CTNNA2: variants seen among roughly 807,000 people sequenced by gnomAD.
The protein encoded by CTNNA2 is catenin alpha-2.
CTNNA2 carries 42 observed loss-of-function variants against 101.0 expected under a neutral mutation model. The observed-to-expected ratio is 0.42, with a 90% confidence interval of 0.32 to 0.54. The LOEUF (loss-of-function observed/expected upper bound fraction) is 0.54, where lower values mean the gene tolerates loss of function less well. CTNNA2 is among the 20% of genes least tolerant of loss of function. CTNNA2 has a pLI of 0.14. For missense variants in CTNNA2, 871 were observed against 1,223.1 expected (o/e 0.71, Z 4.29); for synonymous variants, 450 against 456.4 (o/e 0.99, Z 0.18).
intron 7 of CTNNA2, among the ~76,000 whole-genome samples, chr2:80,239,416 T>G (rs193254482): frequency 1.3e-5 from 2 of 152,158 alleles, no homozygotes; most frequent in African/African-American, 4.8e-5. Flanking sequence ...TGTGGGCATA[T>G]GTATAAATAT....
chr2:80,548,655 C>T (rs982124110), intron 11 of CTNNA2, among the ~76,000 whole-genome samples: 5 of 152,184 alleles, frequency 3.3e-5, no homozygotes, highest in African/African-American at 1.2e-4. Flanking sequence ...GCCAGCTTGG[C>T]AGGGCCTGCT....
rs1388309766 is a variant in CTNNA2 at position 80,253,057 on chromosome 2, A to C, written c.1057-140154A>C. Reference sequence around the variant, plus strand: ...ACTCCAGTCCTTCCTGCATTTAGCAAACTTCACTCCTCAAACTATACTTTC... The same window carrying C: ...ACTCCAGTCCTTCCTGCATTTAGCACACTTCACTCCTCAAACTATACTTTC... On this transcript the variant is annotated intron_variant, in intron 7 of 18. Transcript: ENST00000402739. Among the ~76,000 whole-genome samples, 4 of 152,040 alleles carry C rather than the reference A, an allele frequency of 2.6e-5. No individual in the cohort carries two copies. In the East Asian group the frequency reaches 7.7e-4, roughly 29 times the overall value.
intron 7 of CTNNA2, among the ~76,000 whole-genome samples, chr2:80,202,730 TAAAAAAAAAA>T (rs78658764): frequency 1.4e-5 from 2 of 144,730 alleles, no homozygotes; most frequent in Non-Finnish European, 3.0e-5. Flanking sequence ...CCAAGAGATT[TAAAAAAAAAA>T]AAGAAAAAGA....
At chr2:79,406,676 C>T (rs991802676) in intron 4 of CTNNA2, among the ~76,000 whole-genome samples, 1 of 151,976 alleles carries the variant, frequency 6.6e-6, no homozygotes, top group Non-Finnish European at 1.5e-5. Context: ...GTTAGGGTCT[C>T]ATTTATTTTA....
At chr2:80,140,782 T>C (rs972059817) in intron 7 of CTNNA2, among the ~76,000 whole-genome samples, 12 of 152,148 alleles carry the variant, frequency 7.9e-5, no homozygotes, top group African/African-American at 2.9e-4. Flanking sequence ...AAATTGCATG[T>C]TTTATTTCTC....
chr2:79,967,587 C>T (rs1047785507), intron 7 of CTNNA2, among the ~76,000 whole-genome samples: 4 of 152,132 alleles, frequency 2.6e-5, no homozygotes, highest in African/African-American at 9.7e-5. Flanking sequence ...AATCCTAATG[C>T]CTTACCCTGA....
intron 9 of CTNNA2, among the ~76,000 whole-genome samples, chr2:80,527,644 T>C (rs1573142835): frequency 2.0e-5 from 3 of 152,302 alleles, no homozygotes; most frequent in African/African-American, 4.8e-5. Context: ...GTGATTCTTA[T>C]GATGGGGCAA....
At chr2:80,281,882 A>C (rs900816644) in intron 7 of CTNNA2, among the ~76,000 whole-genome samples, 2 of 152,098 alleles carry the variant, frequency 1.3e-5, no homozygotes, top group Non-Finnish European at 2.9e-5. Context: ...TTATCTTTTC[A>C]ACATTTGAAT....
At chr2:79,267,506 C>T (rs1007031247) in intron 2 of CTNNA2, among the ~76,000 whole-genome samples, 5 of 152,118 alleles carry the variant, frequency 3.3e-5, no homozygotes, top group Non-Finnish European at 7.4e-5. Context: ...CTCCCAATAC[C>T]ATCAGGTTAG....
intron 2 of CTNNA2, among the ~76,000 whole-genome samples, chr2:79,244,466 C>T (rs1027762086): frequency 3.3e-5 from 5 of 152,014 alleles, no homozygotes; most frequent in East Asian, 1.9e-4. Flanking sequence ...TTTTGTTTGG[C>T]GAGTTTTGTT....
chr2:80,414,135 A>C (rs1174006754), intron 8 of CTNNA2, among the ~76,000 whole-genome samples: 2 of 152,234 alleles, frequency 1.3e-5, no homozygotes, highest in Admixed American at 6.5e-5. Flanking sequence ...TAGCAAAGAA[A>C]GAAAGCTTTC....
chr2:80,497,876 A>G (rs1687589489), intron 9 of CTNNA2, among the ~76,000 whole-genome samples: 1 of 152,136 alleles, frequency 6.6e-6, no homozygotes, highest in Non-Finnish European at 1.5e-5. Context: ...GCCAACAACC[A>G]GTGAGCTTGG....
At chr2:80,084,891 A>G (rs1222852269) in intron 7 of CTNNA2, among the ~76,000 whole-genome samples, 10 of 152,126 alleles carry the variant, frequency 6.6e-5, no homozygotes, top group Admixed American at 6.6e-4. Context: ...CTCCCAAGAC[A>G]TAGCACTGAA....
At chr2:79,202,706 G>A (rs1470793473) in intron 2 of CTNNA2, among the ~76,000 whole-genome samples, 1 of 151,410 alleles carries the variant, frequency 6.6e-6, no homozygotes, top group East Asian at 2.0e-4. Context: ...CATTTTGGGG[G>A]TGGAAGGGCT....
rs1449530218 is a variant in CTNNA2, at chr2:79,860,223, C to A, written c.465+2044C>A. On this transcript the variant is annotated intron_variant, in intron 4 of 18. Coordinates refer to ENST00000402739, the MANE Select transcript of CTNNA2 (RefSeq NM_001282597.3). ...CACAGAAGGACAATCTTCCTTTACC[C>A]CAGCAAGGAAATAATACGACTGAAC... 2.0e-5 allele frequency among the ~76,000 whole-genome samples: 3 copies of A among 152,186 alleles called. No homozygotes were observed. In the East Asian group the frequency reaches 5.8e-4, roughly 29 times the overall value.
intron 1 of CTNNA2, among the ~76,000 whole-genome samples, chr2:79,521,712 T>C (rs1429388697): frequency 6.6e-6 from 1 of 152,156 alleles, no homozygotes; most frequent in African/African-American, 2.4e-5. Context: ...AGGCCTGCCT[T>C]GTTCTCAGGT....
At chr2:80,285,567 G>T (rs1455366434) in intron 7 of CTNNA2, among the ~76,000 whole-genome samples, 1 of 152,092 alleles carries the variant, frequency 6.6e-6, no homozygotes, top group Non-Finnish European at 1.5e-5. Flanking sequence ...TTGTACAAGG[G>T]TCATAGTCTG....
At chr2:79,221,856 C>T (rs1023594254) in intron 2 of CTNNA2, among the ~76,000 whole-genome samples, 3 of 152,134 alleles carry the variant, frequency 2.0e-5, no homozygotes, top group African/African-American at 7.2e-5. Context: ...ACCTCTCTAC[C>T]ACCAGCCCAG....
At chr2:80,517,729 G>GGCCACATA (rs2149566332) in intron 9 of CTNNA2, among the ~76,000 whole-genome samples, 1 of 152,226 alleles carries the variant, frequency 6.6e-6, no homozygotes, top group South Asian at 2.1e-4. Flanking sequence ...ACAAGTTTTG[G>GGCCACATA]GCCACATAAC....
Sources: gnomAD v4.1 joint callset for allele counts (sites outside exome capture counted in the v4.1 genomes callset) on GRCh38, gnomAD v4.1.1 for gene constraint, MANE v1.5 for transcripts, NCBI Gene and HGNC (gene_info 2026-07-23, HGNC 2026-07-21) for gene names.